The following EPG5 variants were observed in gnomAD, a reference collection of about 807,000 sequenced individuals.
The protein encoded by EPG5 is ectopic P-granules 5 autophagy tethering factor, also known as ectopic P granules protein 5 homolog.
A neutral mutation model predicts 302.7 loss-of-function variants in EPG5; 159 were observed. That is an observed-to-expected ratio of 0.53 (90% confidence interval 0.46 to 0.60). The LOEUF (loss-of-function observed/expected upper bound fraction) is 0.60. Ranked by LOEUF, EPG5 falls within the 20% of genes least tolerant of loss-of-function variation. The pLI, the probability that EPG5 is intolerant of heterozygous loss-of-function variation, is 0.00. For missense variants in EPG5, 2,896 were observed against 3,092.4 expected (o/e 0.94, Z 1.51); for synonymous variants, 1,158 against 1,136.8 (o/e 1.02, Z -0.37).
intron 24 of EPG5, 29 bp downstream of exon 24, chr18:45,907,920 TAAAAAAAAA>T: frequency 7.4e-7 from 1 of 1,343,652 alleles, no homozygotes; most frequent in Non-Finnish European, 9.7e-7. Context: ...TCAGATATGC[TAAAAAAAAA>T]AAAAAAAAAA....
chr18:45,910,310 G>A (rs924030085), intron 23 of EPG5, among the ~76,000 whole-genome samples: 2 of 152,140 alleles, frequency 1.3e-5, no homozygotes, highest in South Asian at 2.1e-4. Flanking sequence ...ACAGGCACTC[G>A]ACACAAGTAC....
intron 27 of EPG5, among the ~76,000 whole-genome samples, chr18:45,894,479 T>TAA (rs2049425470): frequency 1.3e-5 from 2 of 151,332 alleles, no homozygotes; most frequent in African/African-American, 4.9e-5. Context: ...AATAATAATA[T>TAA]TAAAAACAAA....
chr18:45,870,884 G>C (rs2048858010), intron 35 of EPG5, 142 bp from the exon 36 acceptor site: 3 of 627,308 alleles, frequency 4.8e-6, no homozygotes, highest in Non-Finnish European at 2.6e-6. Context: ...AGGGAGAGTG[G>C]TTAAGGGGAC....
the EPG5 span, among the ~76,000 whole-genome samples, chr18:45,806,816 C>T: frequency 6.6e-6 from 1 of 152,316 alleles, no homozygotes; most frequent in South Asian, 2.1e-4. Flanking sequence ...GAGAGAAGGA[C>T]ATCTTCAGCT....
At chr18:45,818,286 A>G in the EPG5 span, among the ~76,000 whole-genome samples, 1 of 151,262 alleles carries the variant, frequency 6.6e-6, no homozygotes, top group African/African-American at 2.4e-5. Context: ...TTTATTTTGG[A>G]AGATTTTAAT....
chr18:45,916,693 C>G, intron 17 of EPG5, 111 bp from the exon 18 acceptor site: 1 of 1,154,480 alleles, frequency 8.7e-7, no homozygotes, highest in Non-Finnish European at 1.2e-6. Flanking sequence ...CATTTTTCGA[C>G]CAAAGCACTA....
At chr18:45,876,516 C>T (rs369740672) in intron 34 of EPG5, among the ~76,000 whole-genome samples, 174 bp from the exon 35 acceptor site, 17 of 152,264 alleles carry the variant, frequency 1.1e-4, no homozygotes, top group African/African-American at 3.9e-4. Flanking sequence ...GCTTGTAACA[C>T]CAGCCATATA....
At position 45,865,736 on chromosome 18, in the gene EPG5, A is replaced by G. The variant is rs756952948; in HGVS notation, c.6645T>C (p.Ala2215=). 15 of 1,610,384 alleles carry G rather than the reference A, an allele frequency of 9.3e-6. No homozygotes were observed. The highest frequency in any genetic ancestry group is 1.1e-5 in the Non-Finnish European group (13 of 1,179,042). ...GGAATTGAACCATCTGATGAGTAAA[A>G]GCTTGGCATTTTGGAACTGCATCCT... ...KHLDAVPKCQ[A]FTHQMVQFLS... is the part of the protein sequence containing the mutation. Residue 2215 remains alanine, a synonymous_variant, in exon 39 of 44, where the codon GCT becomes GCC. Transcript: ENST00000282041.
At chr18:45,825,850 TC>T in the EPG5 span, 1 of 1,582,822 alleles carries the variant, frequency 6.3e-7, no homozygotes, top group South Asian at 1.1e-5. Flanking sequence ...TTAGGTACAG[TC>T]TCCCCTGGAA....
At chr18:45,901,603 T>G (rs965023777) in intron 25 of EPG5, among the ~76,000 whole-genome samples, 3 of 152,146 alleles carry the variant, frequency 2.0e-5, no homozygotes, top group Non-Finnish European at 4.4e-5. Context: ...TGAAATCAGG[T>G]CAAGGTTTGA....
At chr18:45,935,894 C>T (rs1160616432) in intron 10 of EPG5, among the ~76,000 whole-genome samples, 7 of 152,222 alleles carry the variant, frequency 4.6e-5, no homozygotes, top group African/African-American at 1.7e-4. Flanking sequence ...GACCCCACAC[C>T]TCCAGGCTGG....
At chr18:45,839,059 G>A in the EPG5 span, 44 of 1,507,214 alleles carry the variant, frequency 2.9e-5, no homozygotes, top group Non-Finnish European at 3.8e-5. Context: ...GCTGCTGCTC[G>A]GGGTCCTGGC....
intron 17 of EPG5, 79 bp from the exon 18 acceptor site, chr18:45,916,661 C>G: frequency 7.1e-7 from 1 of 1,411,496 alleles, no homozygotes; most frequent in Non-Finnish European, 9.4e-7. Flanking sequence ...TATGAGGAAA[C>G]AGAAAATTCC....
chr18:45,903,619 C>T (rs377543097), intron 25 of EPG5, among the ~76,000 whole-genome samples: 2 of 152,018 alleles, frequency 1.3e-5, no homozygotes, highest in East Asian at 1.9e-4. Context: ...GCTTTTGTGG[C>T]CTGATAGAAA....
the EPG5 span, among the ~76,000 whole-genome samples, chr18:45,819,989 ATATG>A: frequency 6.6e-6 from 1 of 152,180 alleles, no homozygotes; most frequent in African/African-American, 2.4e-5. Flanking sequence ...AGGAAATAAA[ATATG>A]TATTTGCCCA....
At chr18:45,931,528 C>A (rs1428807675) in intron 11 of EPG5, among the ~76,000 whole-genome samples, 1 of 152,066 alleles carries the variant, frequency 6.6e-6, no homozygotes, top group Non-Finnish European at 1.5e-5. Flanking sequence ...GGAAAAAAAG[C>A]CCATTTTAAA....
At chr18:45,953,158 G>T in intron 2 of EPG5, 1 of 413,654 alleles carries the variant, frequency 2.4e-6, no homozygotes, top group Non-Finnish European at 3.2e-6. Context: ...GGGCGACAGA[G>T]CTAGACTCCA....
chr18:45,828,926 G>A, the EPG5 span: 5 of 187,418 alleles, frequency 2.7e-5, no homozygotes, highest in Non-Finnish European at 4.0e-5. Context: ...TCACAGCCCA[G>A]GAGGAAATGG....
the EPG5 span, among the ~76,000 whole-genome samples, chr18:45,816,006 C>T: frequency 1.3e-5 from 2 of 152,158 alleles, no homozygotes; most frequent in Non-Finnish European, 2.9e-5. Flanking sequence ...GCCACCTGAT[C>T]CCTGACAAAG....
Sources: allele counts gnomAD v4.1 joint callset (sites outside exome capture counted in the v4.1 genomes callset), GRCh38; gene constraint gnomAD v4.1.1; transcripts MANE v1.5; gene names NCBI Gene and HGNC (gene_info 2026-07-23, HGNC 2026-07-21).